DYNC1H1: variants seen among roughly 807,000 people sequenced by gnomAD.
DYNC1H1 encodes the protein dynein cytoplasmic 1 heavy chain 1.
In DYNC1H1, 51 loss-of-function variants were observed where a neutral mutation model predicts 527.1. The ratio of observed to expected loss-of-function variants is 0.10; its 90% CI spans 0.08 to 0.12. The LOEUF (loss-of-function observed/expected upper bound fraction) is 0.12. Among genes scored for constraint, DYNC1H1 ranks in the 10% least tolerant of loss-of-function variants. The pLI, the probability that DYNC1H1 is intolerant of heterozygous loss-of-function variation, is 1.00. For missense variants in DYNC1H1, 2,771 were observed against 5,971.8 expected (o/e 0.46, Z 17.66); for synonymous variants, 2,189 against 2,278.8 (o/e 0.96, Z 1.12).
intron 11 of DYNC1H1, 141 bp downstream of exon 11, chr14:101,991,814 G>A: frequency 8.0e-7 from 1 of 1,255,372 alleles, no homozygotes; most frequent in South Asian, 1.3e-5. Flanking sequence ...AAGTTAGGGA[G>A]GCTTTTTGTG....
In DYNC1H1 at chr14:102,039,747, G is replaced by A. The variant is rs1408065381; in HGVS notation, c.11690+15G>A. 4.3e-6 allele frequency: 7 copies of A among 1,613,838 alleles called. No individual in the cohort carries two copies. The highest frequency in any genetic ancestry group is 5.1e-6 in the Non-Finnish European group (6 of 1,179,924). The stretch of plus-strand genomic sequence containing the variant: ...GGCACCGTGGGGTAAGAGCACTCAC[G>A]CCCACAGGAGGATGCCATATTGCTG... On this transcript the variant is annotated intron_variant, in intron 62 of 77. Coordinates refer to ENST00000360184, the MANE Select transcript of DYNC1H1 (RefSeq NM_001376.5). This position sits in a 1 kb window ranked among gnomAD's most constrained non-coding sequence, Gnocchi z 7.0.
chr14:102,044,222 CG>C lies in DYNC1H1; in HGVS notation c.12685-49del. On this transcript the variant is annotated intron_variant, in intron 70 of 77. Coordinates refer to ENST00000360184, the MANE Select transcript of DYNC1H1 (RefSeq NM_001376.5). The surrounding 1 kb of genome is among the most constrained non-coding windows in gnomAD (Gnocchi z 7.1). ...AGCTGTGCCCCTCGAAAGGAAGCCCCGGGCCTGCCCGCCTCTGACCACACAC... is the reference window on the plus strand; with the variant it reads ...AGCTGTGCCCCTCGAAAGGAAGCCCCGGCCTGCCCGCCTCTGACCACACAC... 6.2e-7 allele frequency: 1 copy of C among 1,607,264 alleles called. No homozygotes were observed. Among genetic ancestry groups the C allele is most frequent in the Non-Finnish European group, 8.5e-7 (1 of 1,177,466 alleles).
intron 10 of DYNC1H1, among the ~76,000 whole-genome samples, chr14:101,989,647 C>G (rs975314428): frequency 1.3e-5 from 2 of 152,212 alleles, no homozygotes. Flanking sequence ...TTTCCCCTAC[C>G]TACACTTTAC....
In DYNC1H1 at chr14:102,005,871, T is replaced by C; in HGVS notation, c.5434-17T>C. ...CTTTAGTGTAGATGAACTTTTAAAG[T>C]GACTCTCTTTCTTCAGATTACAGAG... On this transcript the variant is annotated splice_polypyrimidine_tract_variant and intron_variant, in intron 26 of 77. Transcript: ENST00000360184. This position sits in a 1 kb window ranked among gnomAD's most constrained non-coding sequence, Gnocchi z 4.0. 6.2e-7 allele frequency: 1 copy of C among 1,613,964 alleles called. No homozygotes were observed. Among genetic ancestry groups the C allele is most frequent in the Non-Finnish European group, 8.5e-7 (1 of 1,179,982 alleles).
rs554137529 is a variant in DYNC1H1, at chr14:102,026,720, G to A, written c.8771+13G>A. 1.2e-6 allele frequency: 2 copies of A among 1,613,274 alleles called. No homozygotes were observed. The highest frequency in any genetic ancestry group is 2.7e-5 in the African/African-American group (2 of 75,004). On this transcript the variant is annotated intron_variant, in intron 44 of 77. Transcript: ENST00000360184. ...TGAGGATTGACAGGTGGGCTTTTTTGTTGTTACAGCCCCACCTCTCGCCTA... is the reference window on the plus strand; with the variant it reads ...TGAGGATTGACAGGTGGGCTTTTTTATTGTTACAGCCCCACCTCTCGCCTA...
chr14:102,018,744 T>A lies in DYNC1H1; in HGVS notation c.8343+128T>A. On this transcript the variant is annotated intron_variant, in intron 41 of 77. Coordinates refer to ENST00000360184, the MANE Select transcript of DYNC1H1 (RefSeq NM_001376.5). This position sits in a 1 kb window ranked among gnomAD's most constrained non-coding sequence, Gnocchi z 5.2. ...GGGAGGCCAAGGTGGGTGGATCCTT[T>A]GAGCCCAGGAGTTTGAGACCAGTCT... The A allele has an allele frequency of 1.6e-6, 2 of 1,278,536 alleles. No individual in the cohort carries two copies. The highest frequency in any genetic ancestry group is 1.3e-5 in the South Asian group (1 of 78,538). 79.2% of individuals were successfully genotyped at this position (1,278,536 alleles called of 1,614,324 possible). A position where few individuals can be genotyped will look rare whatever the true frequency, so the allele number is the denominator to read the frequency against.
Position 102,016,835 on chromosome 14 carries a change from G to T in DYNC1H1, c.7684G>T (p.Val2562Leu). Reference protein sequence around the residue: ...VPQIEVETHKVAAPDVVVPTL... With the variant: ...VPQIEVETHKLAAPDVVVPTL... ...TCAGATTGAAGTGGAGACGCACAAG[G>T]TGGCAGCCCCTGATGTCGTCGTGCC... The change falls in exon 38 of 78, where the codon GTG becomes TTG. Residue 2562 changes from valine (V) to leucine (L), a missense_variant. Around this residue, in one of 32 missense-constraint regions of DYNC1H1, gnomAD observed 71 missense variants for 143.6 expected, o/e 0.49. Transcript: ENST00000360184. This position sits in a 1 kb window ranked among gnomAD's most constrained non-coding sequence, Gnocchi z 7.3. The T allele has an allele frequency of 6.2e-7, 1 of 1,614,116 alleles. No homozygotes were observed.
rs1052521005 is a variant in DYNC1H1 at position 102,051,434 on chromosome 14, GAA to G, written c.*881_*882del. The G allele has an allele frequency of 3.5e-5, 5 of 144,918 alleles. No individual in the cohort carries two copies. Among genetic ancestry groups the G allele is most frequent in the Non-Finnish European group, 7.6e-5 (5 of 65,786 alleles). 9.0% of individuals were successfully genotyped at this position (144,918 alleles called of 1,614,324 possible). A position where few individuals can be genotyped will look rare whatever the true frequency, so the allele number is the denominator to read the frequency against. On this transcript the variant is annotated 3_prime_UTR_variant, in exon 78 of 78. Coordinates refer to ENST00000360184, the MANE Select transcript of DYNC1H1 (RefSeq NM_001376.5). ...TGGGAGGCGGAGGTTGCAGTGAGCT[GAA>G]AAAAAAAAAGGCAGCCCCCAGCCGC... is the stretch of plus-strand genomic sequence containing the variant.
rs1293469945 is a variant in DYNC1H1 at position 102,010,988 on chromosome 14, A to G, written c.6618+36A>G. ...TTGTTTCACTGGCCACTGCCCTCAC[A>G]GACCCTGCTGGCTTTAGTGTCTGGT... On this transcript the variant is annotated intron_variant, in intron 32 of 77. Coordinates refer to ENST00000360184, the MANE Select transcript of DYNC1H1 (RefSeq NM_001376.5). The surrounding 1 kb of genome is among the most constrained non-coding windows in gnomAD (Gnocchi z 6.0). 10 of 1,610,798 alleles carry G rather than the reference A, an allele frequency of 6.2e-6. No homozygotes were observed. The highest frequency in any genetic ancestry group is 2.7e-5 in the African/African-American group (2 of 74,884).
In DYNC1H1 at chr14:102,011,047, CA is replaced by C. The variant is rs1197112037; in HGVS notation, c.6618+96del. The stretch of plus-strand genomic sequence containing the variant: ...CCGTGGGCCCTTCGATGAAACTGTC[CA>C]CAAAGGCTGTGGAGGTGCATAATAT... On this transcript the variant is annotated intron_variant, in intron 32 of 77. Transcript: ENST00000360184. The surrounding 1 kb of genome is among the most constrained non-coding windows in gnomAD (Gnocchi z 5.3). The C allele has an allele frequency of 1.5e-6, 2 of 1,336,596 alleles. No individual in the cohort carries two copies. Among genetic ancestry groups the C allele is most frequent in the African/African-American group, 2.9e-5 (2 of 69,388 alleles). The allele number at this position is 1,336,596 out of a possible 1,614,324, so 82.8% of individuals were successfully genotyped here. A position where few individuals can be genotyped will look rare whatever the true frequency, so the allele number is the denominator to read the frequency against.
chr14:102,038,217 G>A lies in DYNC1H1; in HGVS notation c.10909-243G>A. On this transcript the variant is annotated intron_variant, in intron 57 of 77. Transcript: ENST00000360184. The surrounding 1 kb of genome is among the most constrained non-coding windows in gnomAD (Gnocchi z 7.2). ...TGGTCTCGAACTCCTGACCTCAAGT[G>A]ATCTGCCTGCCTCAGCCTCCCAAAG... The A allele has an allele frequency of 1.8e-6, 1 of 552,770 alleles. No individual in the cohort carries two copies. Among genetic ancestry groups the A allele is most frequent in the Non-Finnish European group, 3.3e-6 (1 of 306,362 alleles). 34.2% of individuals were successfully genotyped at this position (552,770 alleles called of 1,614,324 possible).
intron 16 of DYNC1H1, 40 bp from the exon 17 acceptor site, chr14:101,999,949 G>A: frequency 6.2e-7 from 1 of 1,613,802 alleles, no homozygotes; most frequent in South Asian, 1.1e-5. Context: ...TCTCTCCTGA[G>A]ACATTGTGCT....
At position 102,012,535 on chromosome 14, in the gene DYNC1H1, A is replaced by T. The variant is rs1276735534; in HGVS notation, c.7014+65A>T. The T allele has an allele frequency of 1.4e-5, 22 of 1,603,488 alleles. No individual in the cohort carries two copies. Among genetic ancestry groups the T allele is most frequent in the Non-Finnish European group, 1.7e-5 (20 of 1,171,482 alleles). On this transcript the variant is annotated intron_variant, in intron 34 of 77. Transcript: ENST00000360184. This position sits in a 1 kb window ranked among gnomAD's most constrained non-coding sequence, Gnocchi z 4.9. ...TTTGGCCAACTAAACTTCGTGTGCT[A>T]GCTAAGTGCAGCTCTGGAGTCATGG...
Position 102,049,471 on chromosome 14 carries a change from G to T in DYNC1H1, c.13404G>T (p.Thr4468=), listed in dbSNP as rs17541692. 10 of 1,614,174 alleles carry T rather than the reference G, an allele frequency of 6.2e-6. No homozygotes were observed. Among genetic ancestry groups the T allele is most frequent in the Non-Finnish European group, 8.5e-6 (10 of 1,180,038 alleles). ...GILPRSWSHY[T]VPAGMTVIQW... ...TGCCTCGGAGCTGGTCCCACTACAC[G>T]GTGCCTGCCGGCATGACCGTCATCC... Residue 4468 remains threonine, a synonymous_variant, in exon 75 of 78, where the codon ACG becomes ACT. Transcript: ENST00000360184. This position sits in a 1 kb window ranked among gnomAD's most constrained non-coding sequence, Gnocchi z 5.5.
Position 101,964,805 on chromosome 14 carries a change from G to A in DYNC1H1, c.114G>A (p.Val38=). The A allele has an allele frequency of 6.2e-7, 1 of 1,604,202 alleles. No homozygotes were observed. The highest frequency in any genetic ancestry group is 1.1e-5 in the South Asian group (1 of 90,164). The change falls in exon 1 of 78, where the codon GTG becomes GTA. Residue 38 remains valine, a synonymous_variant. Coordinates refer to ENST00000360184, the MANE Select transcript of DYNC1H1 (RefSeq NM_001376.5). This position sits in a 1 kb window ranked among gnomAD's most constrained non-coding sequence, Gnocchi z 5.5. ...SVLQKHLRKL[V]PLLLEDGGEA... ...TGCAGAAGCACCTGCGCAAGCTGGT[G>A]CCGCTGCTGCTGGAGGACGGCGGCG...
rs150181583 is a variant in DYNC1H1 at position 102,017,502 on chromosome 14, C to T, written c.8175C>T (p.His2725=). 8 of 1,613,980 alleles carry T rather than the reference C, an allele frequency of 5.0e-6. No individual in the cohort carries two copies. In the African/African-American group the frequency reaches 1.1e-4, roughly 22 times the overall value. The change falls in exon 40 of 78, where the codon CAC becomes CAT. Residue 2725 remains histidine, a splice_region_variant and synonymous_variant. Coordinates refer to ENST00000360184, the MANE Select transcript of DYNC1H1 (RefSeq NM_001376.5). This position sits in a 1 kb window ranked among gnomAD's most constrained non-coding sequence, Gnocchi z 4.6. ...PTDPGRKPLS[H]RFLRHVPVVY... is the part of the protein sequence containing the mutation. Reference sequence around the variant, plus strand: ...ACCCTGGAAGAAAGCCCCTCTCACACAGGTAAAACAGCTCGGTAGACTGCT... The same window carrying T: ...ACCCTGGAAGAAAGCCCCTCTCACATAGGTAAAACAGCTCGGTAGACTGCT...
chr14:102,036,621 C>T lies in DYNC1H1; in HGVS notation c.10887C>T (p.Phe3629=), dbSNP rs141133453. The part of the protein sequence containing the change: ...FRKNLESALR[F]GNPLLVQDVE... ...AGAACTTAGAGAGTGCACTGAGATT[C>T]GGTAACCCCCTTCTGGTCCAGGTTG... Residue 3629 remains phenylalanine (F), a synonymous_variant, in exon 57 of 78, where the codon TTC becomes TTT. Transcript: ENST00000360184. This position sits in a 1 kb window ranked among gnomAD's most constrained non-coding sequence, Gnocchi z 5.6. 370 of 1,614,074 alleles carry T rather than the reference C, an allele frequency of 2.3e-4. 3 individuals are homozygous for T. The Middle Eastern group carries it at 2.3e-3, about 10-fold the overall frequency.
rs1567026157 is a variant in DYNC1H1 at position 102,049,767 on chromosome 14, C to T, written c.13569C>T (p.Ala4523=). ...TCGTGCCTGAGGCGTACATCACTGC[C>T]ACCAGGCAGTATGTGGCCCAGGCCA... ...GLFVPEAYIT[A]TRQYVAQANS... is the part of the protein sequence containing the mutation. Residue 4523 remains alanine, a synonymous_variant, in exon 76 of 78, where the codon GCC becomes GCT. Transcript: ENST00000360184. The surrounding 1 kb of genome is among the most constrained non-coding windows in gnomAD (Gnocchi z 5.5). 3 of 1,613,906 alleles carry T rather than the reference C, an allele frequency of 1.9e-6. No individual in the cohort carries two copies. The highest frequency in any genetic ancestry group is 2.2e-5 in the South Asian group (2 of 91,080).
Position 102,017,179 on chromosome 14 carries a change from G to A in DYNC1H1, c.7940G>A (p.Gly2647Glu), listed in dbSNP as rs1370530780. The A allele has an allele frequency of 1.3e-5, 21 of 1,614,090 alleles. No individual in the cohort carries two copies. The Admixed American group carries it at 3.3e-4, about 26-fold the overall frequency. Reference sequence around the variant, plus strand: ...TGCGAGTACAGGCGCACACCTAATGGGGTGGTTTTGGCTCCTGTTCAACTT... The same window carrying A: ...TGCGAGTACAGGCGCACACCTAATGAGGTGGTTTTGGCTCCTGTTCAACTT... Reference protein sequence around the residue: ...HYCEYRRTPNGVVLAPVQLGK... With the variant: ...HYCEYRRTPNEVVLAPVQLGK... The change falls in exon 39 of 78, where the codon GGG becomes GAG. Residue 2647 changes from glycine to glutamate, a missense_variant. Physicochemically the swap from Gly to Glu is moderately conservative, Grantham distance 98. Coordinates refer to ENST00000360184, the MANE Select transcript of DYNC1H1 (RefSeq NM_001376.5). This position sits in a 1 kb window ranked among gnomAD's most constrained non-coding sequence, Gnocchi z 4.6.
Sources: gnomAD v4.1 joint callset for allele counts (sites outside exome capture counted in the v4.1 genomes callset) on GRCh38, gnomAD v4.1.1 for gene constraint, gnomAD v4.1.1 regional missense constraint, Gnocchi (gnomAD v3.1) non-coding constraint, MANE v1.5 for transcripts, NCBI Gene and HGNC (gene_info 2026-07-23, HGNC 2026-07-21) for gene names.